Variants in ZNF18 observed in about 807,000 individuals in gnomAD.
ZNF18 encodes the protein heart development-specific gene 1 protein.
A neutral mutation model predicts 58.1 loss-of-function variants in ZNF18; 42 were observed. That is an observed-to-expected ratio of 0.72 (90% CI 0.56 to 0.93). The LOEUF is 0.93. ZNF18 is among the 40% of genes least tolerant of loss of function. ZNF18 has a pLI of 0.00. For missense variants in ZNF18, 540 were observed against 644.2 expected (o/e 0.84, Z 1.75); for synonymous variants, 231 against 239.8 (o/e 0.96, Z 0.34).
upstream of ZNF18, chr17:11,997,492 G>A (rs992867097): frequency 6.6e-6 from 1 of 152,260 alleles, no homozygotes; most frequent in Non-Finnish European, 1.5e-5. Flanking sequence ...GCGCGCCTCA[G>A]GCGGCAGGCG....
intron 4 of ZNF18, among the ~76,000 whole-genome samples, chr17:11,989,143 A>G (rs1967939329): frequency 1.3e-5 from 2 of 151,018 alleles, no homozygotes; most frequent in African/African-American, 4.9e-5. Flanking sequence ...TAGGCAACAC[A>G]GCAAGACCCT....
At position 11,990,986 on chromosome 17, in the gene ZNF18, C is replaced by G; in HGVS notation, c.565G>C (p.Glu189Gln). Residue 189 changes from glutamate to glutamine, a missense_variant, in exon 3 of 7, where the codon GAA (glutamate) becomes CAA (glutamine). Coordinates refer to ENST00000580306, the MANE Select transcript of ZNF18 (RefSeq NM_001303281.2). ...SHIVKEESDT[E>Q]AELALAASQP... The stretch of plus-strand genomic sequence containing the variant: ...GCACCATCCTCACCTAGTTCTGCTT[C>G]TGTGTCAGATTCCTCTTTCACGATG... 6.2e-7 allele frequency: 1 copy of G among 1,613,880 alleles called. No homozygotes were observed.
In ZNF18 at chr17:11,978,603, C is replaced by T; in HGVS notation, c.1004G>A (p.Gly335Glu). Residue 335 changes from glycine (G) to glutamate (E), a missense_variant, in exon 7 of 7, where the codon GGA becomes GAA. Coordinates refer to ENST00000580306, the MANE Select transcript of ZNF18 (RefSeq NM_001303281.2). ...GAGATTCTCTCCTTCTCCAAAGCAT[C>T]CTGGCTCATCCTCAGTGAAGAAGCC... ...LRGFFTEDEP[G>E]CFGEGENLPE... is the part of the protein sequence containing the mutation. 1 of 1,614,102 alleles carries T rather than the reference C, an allele frequency of 6.2e-7. No homozygotes were observed.
the ZNF18 span, among the ~76,000 whole-genome samples, chr17:12,012,840 C>T: frequency 2.6e-5 from 4 of 152,254 alleles, no homozygotes; most frequent in South Asian, 2.1e-4. Context: ...TGTGCCTGTC[C>T]GCATCTTCGC....
chr17:11,986,295 G>A (rs995003910), intron 4 of ZNF18, among the ~76,000 whole-genome samples: 1 of 152,124 alleles, frequency 6.6e-6, no homozygotes, highest in Admixed American at 6.5e-5. Flanking sequence ...CCCATTCTCA[G>A]GTATGTCTTT....
chr17:11,979,903 CAAG>C (rs1967227016), intron 6 of ZNF18, among the ~76,000 whole-genome samples: 1 of 152,168 alleles, frequency 6.6e-6, no homozygotes, highest in African/African-American at 2.4e-5. Flanking sequence ...AATGGCCCAT[CAAG>C]AAGATGTCAT....
upstream of ZNF18, among the ~76,000 whole-genome samples, chr17:11,999,067 A>G (rs555574491): frequency 1.3e-5 from 2 of 152,252 alleles, no homozygotes; most frequent in Admixed American, 6.5e-5. Flanking sequence ...TTAGAGGGAC[A>G]CCTTCATTGG....
At chr17:12,015,923 C>T in the ZNF18 span, among the ~76,000 whole-genome samples, 3 of 151,934 alleles carry the variant, frequency 2.0e-5, no homozygotes, top group Non-Finnish European at 4.4e-5. Context: ...TCTGAGTAGC[C>T]GGGACTATAG....
At chr17:11,999,547 A>T (rs896617292), upstream of ZNF18, among the ~76,000 whole-genome samples, 1 of 152,254 alleles carries the variant, frequency 6.6e-6, no homozygotes, top group Admixed American at 6.5e-5. Flanking sequence ...AGCTTAGGAA[A>T]TAATGAAAAG....
chr17:12,006,865 T>A, the ZNF18 span, among the ~76,000 whole-genome samples: 1 of 152,206 alleles, frequency 6.6e-6, no homozygotes, highest in African/African-American at 2.4e-5. Context: ...AAGTCTCAAC[T>A]AAATGAATTT....
intron 6 of ZNF18, among the ~76,000 whole-genome samples, chr17:11,982,925 T>C (rs1006082935): frequency 1.3e-5 from 2 of 152,198 alleles, no homozygotes; most frequent in African/African-American, 4.8e-5. Flanking sequence ...TACTCTAACT[T>C]CTTGCTAGGA....
chr17:11,995,806 CAA>C (rs1158082727), intron 1 of ZNF18: 1 of 151,876 alleles, frequency 6.6e-6, no homozygotes, highest in East Asian at 1.9e-4. Context: ...ATTACAAGTG[CAA>C]AGAGTATTCA....
chr17:12,001,247 T>C (rs558615912), upstream of ZNF18, among the ~76,000 whole-genome samples: 15 of 152,122 alleles, frequency 9.9e-5, no homozygotes, highest in East Asian at 2.3e-3. Flanking sequence ...TAGAGAGGTG[T>C]TGATCAAAGG....
At chr17:12,009,471 G>A in the ZNF18 span, among the ~76,000 whole-genome samples, 1 of 133,300 alleles carries the variant, frequency 7.5e-6, no homozygotes, top group African/African-American at 2.9e-5. Flanking sequence ...TTCTTTTTTC[G>A]AGACAGAGTC....
chr17:11,994,610 G>C (rs1480305196), intron 1 of ZNF18, among the ~76,000 whole-genome samples: 1 of 152,174 alleles, frequency 6.6e-6, no homozygotes, highest in African/African-American at 2.4e-5. Context: ...GGGAGGCTGA[G>C]GTGGCTGGAT....
upstream of ZNF18, chr17:11,997,479 TGC>T (rs1381797366): frequency 1.3e-5 from 2 of 152,180 alleles, no homozygotes; most frequent in African/African-American, 4.8e-5. Flanking sequence ...GCTGGGTGGC[TGC>T]GCGCGCCTCA....
At chr17:12,017,960 G>T in the ZNF18 span, among the ~76,000 whole-genome samples, 6 of 152,110 alleles carry the variant, frequency 3.9e-5, no homozygotes, top group Admixed American at 2.6e-4. Context: ...CTCAACAAAG[G>T]TTCTCTAAGC....
the ZNF18 span, chr17:12,011,131 G>A: frequency 2.7e-5 from 17 of 625,850 alleles, no homozygotes; most frequent in Middle Eastern, 4.1e-4. Context: ...TTCTAGATTC[G>A]CCTGTGCACG....
Position 11,991,140 on chromosome 17 carries a change from C to T in ZNF18, c.411G>A (p.Gln137=). ...ATTCCATCTTCTCTGATAAGATGTCCTGTCCTAGAACCTGGATACTGATCT... is the reference window on the plus strand; with the variant it reads ...ATTCCATCTTCTCTGATAAGATGTCTTGTCCTAGAACCTGGATACTGATCT... ...WQWISIQVLG[Q]DILSEKMESP... is the part of the protein sequence containing the mutation. The change falls in exon 3 of 7, where the codon CAG becomes CAA. Residue 137 remains glutamine (Q), a synonymous_variant. Coordinates refer to ENST00000580306, the MANE Select transcript of ZNF18 (RefSeq NM_001303281.2). 6.2e-7 allele frequency: 1 copy of T among 1,614,128 alleles called. No individual in the cohort carries two copies. The highest frequency in any genetic ancestry group is 1.1e-5 in the South Asian group (1 of 91,072).
Sources: allele counts gnomAD v4.1 joint callset (sites outside exome capture counted in the v4.1 genomes callset), GRCh38; gene constraint gnomAD v4.1.1; transcripts MANE v1.5; gene names NCBI Gene and HGNC (gene_info 2026-07-23, HGNC 2026-07-21).